The following SOX5 variants were observed in gnomAD, a reference collection of about 807,000 sequenced individuals.
SOX5 encodes SRY-box transcription factor 5, also known as transcription factor SOX-5.
In SOX5, 9 loss-of-function variants were observed where a neutral mutation model predicts 92.0. The observed-to-expected ratio is 0.10, with a 90% CI of 0.06 to 0.17. The LOEUF is 0.17. Ranked by LOEUF, SOX5 falls within the 10% of genes least tolerant of loss-of-function variation. SOX5 has a pLI of 1.00. For missense variants in SOX5, 642 were observed against 944.5 expected (o/e 0.68, Z 4.20); for synonymous variants, 344 against 336.3 (o/e 1.02, Z -0.25).
intron 3 of SOX5, among the ~76,000 whole-genome samples, chr12:23,765,141 C>T (rs996472722): frequency 2.6e-5 from 4 of 151,822 alleles, no homozygotes; most frequent in African/African-American, 9.7e-5. Context: ...TATATACATA[C>T]ATATCTTTCT....
chr12:24,475,928 G>A (rs1447978238), intron 1 of SOX5, among the ~76,000 whole-genome samples: 3 of 151,348 alleles, frequency 2.0e-5, no homozygotes, highest in East Asian at 1.9e-4. Flanking sequence ...GCTGCAGTGA[G>A]CCATGTTCAT....
At chr12:23,788,666 A>C (rs544170082) in intron 3 of SOX5, among the ~76,000 whole-genome samples, 1 of 152,082 alleles carries the variant, frequency 6.6e-6, no homozygotes, top group Admixed American at 6.6e-5. Context: ...CTATTTTGTA[A>C]GTGAGCTTTT....
At position 23,720,587 on chromosome 12, in the gene SOX5, T is replaced by A. The variant is rs148566118; in HGVS notation, c.810+14097A>T. Among the ~76,000 whole-genome samples the A allele has an allele frequency of 1.1e-4, 17 of 152,196 alleles. No homozygotes were observed. In the East Asian group the frequency reaches 3.3e-3, roughly 29 times the overall value. ...TGATCCAAAATGGGTCAAAGAGAGA[T>A]ACTAACTCACTGTAAAAATGATCTT... On this transcript the variant is annotated intron_variant, in intron 6 of 14. Transcript: ENST00000451604.
chr12:23,619,128 T>G (rs2076896211), intron 8 of SOX5, among the ~76,000 whole-genome samples: 1 of 152,198 alleles, frequency 6.6e-6, no homozygotes, highest in South Asian at 2.1e-4. Context: ...TCCTACGGAT[T>G]CCGCTCTTAC....
rs181735099 is a variant in SOX5 at position 24,270,592 on chromosome 12, G to A, written c.-77+6624C>T. ...CATAGTAATAAAGCACATGCCCATG[G>A]AAGCACCACACAGGTCATTACTGGC... On this transcript the variant is annotated intron_variant, in intron 3 of 4. Transcript: ENST00000446891. Among the ~76,000 whole-genome samples, 526 of 152,240 alleles carry A rather than the reference G, an allele frequency of 3.5e-3. 4 individuals carry two copies. Among genetic ancestry groups the A allele is most frequent in the African/African-American group, 0.012 (493 of 41,552 alleles).
chr12:24,183,532 T>C (rs1308600160), intron 4 of SOX5, among the ~76,000 whole-genome samples: 1 of 152,190 alleles, frequency 6.6e-6, no homozygotes, highest in African/African-American at 2.4e-5. Flanking sequence ...GTTATTCTCA[T>C]AGACAGTAGA....
At chr12:24,483,211 G>A (rs1002595672) in intron 1 of SOX5, among the ~76,000 whole-genome samples, 6 of 152,134 alleles carry the variant, frequency 3.9e-5, no homozygotes, top group African/African-American at 1.4e-4. Context: ...AAAGAAAACT[G>A]TGTTTTGAAG....
intron 3 of SOX5, among the ~76,000 whole-genome samples, chr12:23,763,931 C>T (rs2094635326): frequency 6.6e-6 from 1 of 152,084 alleles, no homozygotes; most frequent in African/African-American, 2.4e-5. Flanking sequence ...GAGTGCAGCA[C>T]TCTTGTGTAA....
At chr12:24,219,747 C>T (rs1052724998) in intron 3 of SOX5, among the ~76,000 whole-genome samples, 1 of 152,086 alleles carries the variant, frequency 6.6e-6, no homozygotes, top group Admixed American at 6.6e-5. Context: ...ATCCCTCATG[C>T]ACATTGCTTT....
intron 1 of SOX5, among the ~76,000 whole-genome samples, chr12:24,431,866 A>C (rs913366724): frequency 6.6e-6 from 1 of 152,186 alleles, no homozygotes; most frequent in Admixed American, 6.5e-5. Context: ...TGATAATGGC[A>C]CCTCTTGAAA....
intron 1 of SOX5, among the ~76,000 whole-genome samples, chr12:23,903,222 G>C (rs932519261): frequency 3.3e-5 from 5 of 152,130 alleles, no homozygotes; most frequent in African/African-American, 1.2e-4. Flanking sequence ...ATAGATAATA[G>C]ATGATATCTC....
intron 6 of SOX5, among the ~76,000 whole-genome samples, chr12:23,725,110 G>A (rs1185939810): frequency 6.6e-6 from 1 of 152,138 alleles, no homozygotes; most frequent in Admixed American, 6.6e-5. Flanking sequence ...CAGGCAAATG[G>A]TATCATATTC....
At chr12:24,197,612 T>A (rs1372432809) in intron 4 of SOX5, among the ~76,000 whole-genome samples, 1 of 152,154 alleles carries the variant, frequency 6.6e-6, no homozygotes, top group Non-Finnish European at 1.5e-5. Context: ...GGGACAGCCC[T>A]GACTGTCTTG....
intron 4 of SOX5, among the ~76,000 whole-genome samples, chr12:24,199,035 G>T (rs891745895): frequency 2.0e-5 from 3 of 152,142 alleles, no homozygotes; most frequent in African/African-American, 7.2e-5. Context: ...CCGAGAGGCT[G>T]GGATGTCCCC....
intron 4 of SOX5, among the ~76,000 whole-genome samples, chr12:24,199,222 G>A (rs1202828628): frequency 6.6e-6 from 1 of 152,146 alleles, no homozygotes; most frequent in Non-Finnish European, 1.5e-5. Context: ...ACAGGACAAC[G>A]GTACAATGCG....
At position 23,604,520 on chromosome 12, in the gene SOX5, G is replaced by A; in HGVS notation, c.1031C>T (p.Ala344Val). 1 of 1,613,560 alleles carries A rather than the reference G, an allele frequency of 6.2e-7. No homozygotes were observed. The change falls in exon 9 of 15, where the codon GCC becomes GTC. Residue 344 changes from alanine to valine, a missense_variant. This residue lies in a region of SOX5 where 324 missense variants were observed against 461.6 expected (regional missense o/e 0.70). Transcript: ENST00000451604. Reference sequence around the variant, plus strand: ...AGATACCTGCATTGCAGCTAGCTGGGCAGCATATAACTGCTACAGAAGAAA... The same window carrying A: ...AGATACCTGCATTGCAGCTAGCTGGACAGCATATAACTGCTACAGAAGAAA... Reference protein sequence around the residue: ...GPLQLQQLYAAQLAAMQVSPG... With the variant: ...GPLQLQQLYAVQLAAMQVSPG...
At chr12:24,284,446 G>GTC (rs1945594316) in intron 2 of SOX5, among the ~76,000 whole-genome samples, 1 of 151,634 alleles carries the variant, frequency 6.6e-6, no homozygotes, top group Non-Finnish European at 1.5e-5. Context: ...GTGTGTGTGT[G>GTC]TGTGTGTGCG....
intron 2 of SOX5, among the ~76,000 whole-genome samples, chr12:24,296,144 G>A (rs1387079973): frequency 6.6e-6 from 1 of 152,198 alleles, no homozygotes; most frequent in Non-Finnish European, 1.5e-5. Context: ...CAAGGTTTAT[G>A]TGAGACTCCA....
chr12:24,018,053 A>G (rs986436385), intron 4 of SOX5, among the ~76,000 whole-genome samples: 1 of 152,056 alleles, frequency 6.6e-6, no homozygotes, highest in Non-Finnish European at 1.5e-5. Flanking sequence ...TCCTTAACCT[A>G]TATACACATG....
Sources: allele counts gnomAD v4.1 joint callset (sites outside exome capture counted in the v4.1 genomes callset), GRCh38; gene constraint gnomAD v4.1.1; regional missense constraint gnomAD v4.1.1; transcripts MANE v1.5; gene names NCBI Gene and HGNC (gene_info 2026-07-23, HGNC 2026-07-21).